Variants in CREM observed in about 807,000 individuals in gnomAD.
CREM encodes the protein cAMP responsive element modulator.
CREM carries 13 observed loss-of-function variants against 37.3 expected under a neutral mutation model. The ratio of observed to expected loss-of-function variants is 0.35; its 90% confidence interval spans 0.23 to 0.55. The LOEUF (loss-of-function observed/expected upper bound fraction) is 0.55, where lower values mean the gene tolerates loss of function less well. Ranked by LOEUF, CREM falls within the 20% of genes least tolerant of loss-of-function variation. CREM has a pLI of 0.88. For missense variants in CREM, 296 were observed against 362.3 expected (o/e 0.82, Z 1.49); for synonymous variants, 124 against 120.2 (o/e 1.03, Z -0.21).
intron 2 of CREM, among the ~76,000 whole-genome samples, chr10:35,146,648 A>G (rs1482649732): frequency 6.6e-6 from 1 of 152,208 alleles, no homozygotes; most frequent in Non-Finnish European, 1.5e-5. Flanking sequence ...GAGATAAAGG[A>G]TTAGGCAATA....
chr10:35,154,227 C>T, intron 3 of CREM: 1 of 394,130 alleles, frequency 2.5e-6, no homozygotes. Flanking sequence ...TCTGTTTTGC[C>T]CAGCTATGCC....
At chr10:35,196,105 A>T in intron 6 of CREM, 1 of 1,614,158 alleles carries the variant, frequency 6.2e-7, no homozygotes, top group Non-Finnish European at 8.5e-7. Flanking sequence ...TAGTGGTAAG[A>T]TCGAGCCTCC....
chr10:35,175,659 G>A, intron 3 of CREM: 2 of 1,613,526 alleles, frequency 1.2e-6, no homozygotes, highest in South Asian at 1.1e-5. Flanking sequence ...CTTAATAAAT[G>A]TCACATCAGA....
At chr10:35,177,843 G>T (rs16935902) in intron 3 of CREM, among the ~76,000 whole-genome samples, 22,941 of 152,010 alleles carry the variant, frequency 0.15, 1,954 homozygotes, top group East Asian at 0.24. Flanking sequence ...GTGACAGCCC[G>T]GTGTAAAATG....
At chr10:35,197,039 A>G (rs2095213114) in intron 6 of CREM, among the ~76,000 whole-genome samples, 1 of 151,838 alleles carries the variant, frequency 6.6e-6, no homozygotes, top group Admixed American at 6.6e-5. Flanking sequence ...TTGTATTTTT[A>G]ATAGAGGCGG....
At chr10:35,203,432 G>A (rs1468879317) in intron 6 of CREM, among the ~76,000 whole-genome samples, 2 of 152,106 alleles carry the variant, frequency 1.3e-5, no homozygotes, top group Non-Finnish European at 2.9e-5. Flanking sequence ...AGTGGCTCAC[G>A]CCTGTGATCC....
Position 35,165,401 on chromosome 10 carries a change from A to G in CREM, c.169-13488A>G, listed in dbSNP as rs1448350402. Among the ~76,000 whole-genome samples, 7 of 152,296 alleles carry G rather than the reference A, an allele frequency of 4.6e-5. No individual in the cohort carries two copies. The South Asian group carries it at 1.2e-3, about 27-fold the overall frequency. On this transcript the variant is annotated intron_variant, in intron 3 of 7. Coordinates refer to ENST00000685392, the MANE Select transcript of CREM (RefSeq NM_183011.2). ...GGCCCCACCTCCAACATTGAGGATT[A>G]TATTTCAACATGAGATTGGGAGCGG... is the stretch of plus-strand genomic sequence containing the variant.
intron 3 of CREM, among the ~76,000 whole-genome samples, chr10:35,156,033 G>A (rs183309776): frequency 1.3e-4 from 19 of 150,266 alleles, no homozygotes; most frequent in Admixed American, 2.0e-4. Flanking sequence ...TCCACCTCCC[G>A]GGTTCACACC....
rs183962382 is a variant in CREM at position 35,198,101 on chromosome 10, C to T, written c.599-8794C>T. ...TGACCCATGAAATTTGCTTTTTGACCCATTAATGGTCTACAGCTTACAGTT... is the reference window on the plus strand; with the variant it reads ...TGACCCATGAAATTTGCTTTTTGACTCATTAATGGTCTACAGCTTACAGTT... On this transcript the variant is annotated intron_variant, in intron 6 of 7. Coordinates refer to ENST00000685392, the MANE Select transcript of CREM (RefSeq NM_183011.2). Among the ~76,000 whole-genome samples, 125 of 152,078 alleles carry T rather than the reference C, an allele frequency of 8.2e-4. 2 individuals are homozygous for T. The highest frequency in any genetic ancestry group is 2.8e-3 in the African/African-American group (117 of 41,480).
intron 3 of CREM, among the ~76,000 whole-genome samples, chr10:35,172,633 C>A (rs533663498): frequency 6.6e-6 from 1 of 151,678 alleles, no homozygotes; most frequent in African/African-American, 2.4e-5. Flanking sequence ...TAAAAATTAC[C>A]ATTGCATTAA....
At position 35,212,048 on chromosome 10, in the gene CREM, A is replaced by G. The variant is rs772746222; in HGVS notation, c.*650A>G. 2.8e-6 allele frequency: 1 copy of G among 357,504 alleles called. No homozygotes were observed. The highest frequency in any genetic ancestry group is 5.0e-6 in the Non-Finnish European group (1 of 200,742). The allele number at this position is 357,504 out of a possible 1,614,324, so 22.1% of individuals were successfully genotyped here. A position where few individuals can be genotyped will look rare whatever the true frequency, so the allele number is the denominator to read the frequency against. On this transcript the variant is annotated 3_prime_UTR_variant, in exon 8 of 8. Transcript: ENST00000685392. ...TGCAATATTTGTAAGGCTTGTTCCAATGCCACATACTTGCAGCTCCCATTC... is the reference window on the plus strand; with the variant it reads ...TGCAATATTTGTAAGGCTTGTTCCAGTGCCACATACTTGCAGCTCCCATTC...
intron 6 of CREM, among the ~76,000 whole-genome samples, chr10:35,189,013 T>C (rs1186081202): frequency 6.6e-6 from 1 of 152,142 alleles, no homozygotes; most frequent in Non-Finnish European, 1.5e-5. Flanking sequence ...ATCCTTCATT[T>C]GGGGGTTGCA....
chr10:35,206,743 G>C (rs568642488), intron 6 of CREM, 152 bp from the exon 7 acceptor site: 10 of 740,328 alleles, frequency 1.4e-5, no homozygotes, highest in Non-Finnish European at 2.1e-5. Flanking sequence ...TTTAATACTT[G>C]AGATTGCTAT....
At position 35,206,939 on chromosome 10, in the gene CREM, G is replaced by C. The variant is rs760453272; in HGVS notation, c.643G>C (p.Ala215Pro). 8.7e-6 allele frequency: 14 copies of C among 1,613,844 alleles called. 1 individual carries two copies. The South Asian group carries it at 1.3e-4, about 15-fold the overall frequency. ...MPTYQIRAPT[A>P]ALPQGVVMAA... The stretch of plus-strand genomic sequence containing the variant: ...AACTTACCAGATCCGAGCTCCTACT[G>C]CTGCTTTGCCACAGGGAGTGGTGAT... Residue 215 changes from alanine to proline, a missense_variant, in exon 7 of 8, where the codon GCT (alanine) becomes CCT (proline). By Grantham distance (27) the Ala-to-Pro change is conservative. Coordinates refer to ENST00000685392, the MANE Select transcript of CREM (RefSeq NM_183011.2).
At chr10:35,149,315 C>G (rs544309539) in intron 3 of CREM, among the ~76,000 whole-genome samples, 1 of 152,276 alleles carries the variant, frequency 6.6e-6, no homozygotes, top group East Asian at 1.9e-4. Flanking sequence ...CACAGAGGCA[C>G]AGAGCCAGAG....
At chr10:35,206,755 A>T in intron 6 of CREM, 140 bp from the exon 7 acceptor site, 1 of 801,834 alleles carries the variant, frequency 1.2e-6, no homozygotes, top group Non-Finnish European at 2.1e-6. Flanking sequence ...GATTGCTATA[A>T]TGCTCAGAAT....
At chr10:35,132,125 C>T (rs1254165060) in intron 1 of CREM, among the ~76,000 whole-genome samples, 2 of 149,454 alleles carry the variant, frequency 1.3e-5, no homozygotes, top group East Asian at 2.0e-4. Flanking sequence ...CGCTTGAACC[C>T]GGGAGTTGGA....
At chr10:35,143,488 G>A (rs181308436) in intron 2 of CREM, among the ~76,000 whole-genome samples, 1 of 152,262 alleles carries the variant, frequency 6.6e-6, no homozygotes, top group East Asian at 1.9e-4. Context: ...GGACCAATTT[G>A]CACATTGGCA....
intron 3 of CREM, among the ~76,000 whole-genome samples, chr10:35,164,624 T>C (rs531374853): frequency 6.6e-6 from 1 of 152,356 alleles, no homozygotes; most frequent in East Asian, 1.9e-4. Context: ...CCAAACTGCA[T>C]TATAATTTTT....
Sources: allele counts gnomAD v4.1 joint callset (sites outside exome capture counted in the v4.1 genomes callset), GRCh38; gene constraint gnomAD v4.1.1; transcripts MANE v1.5; gene names NCBI Gene and HGNC (gene_info 2026-07-23, HGNC 2026-07-21).